Variants in TAS2R1 observed in about 807,000 individuals in gnomAD.
TAS2R1 encodes the protein taste 2 receptor member 1.
For synonymous variants in TAS2R1, 141 were observed against 134.2 expected (o/e 1.05, Z -0.35); for missense variants, 370 against 353.4 (o/e 1.05, Z -0.38).
At chr5:9,791,808 G>C in the TAS2R1 span, among the ~76,000 whole-genome samples, 32 of 152,332 alleles carry the variant, frequency 2.1e-4, no homozygotes, top group African/African-American at 7.7e-4. Context: ...ACATGACTCT[G>C]TTGTACAGCC....
At chr5:9,632,393 G>A, upstream of TAS2R1, among the ~76,000 whole-genome samples, 1 of 152,196 alleles carries the variant, frequency 6.6e-6, no homozygotes, top group Non-Finnish European at 1.5e-5. Flanking sequence ...TCAGGCTGGT[G>A]GTTGATGAAG....
chr5:9,665,601 A>G (rs975790190), intron 1 of TAS2R1, among the ~76,000 whole-genome samples: 2 of 152,226 alleles, frequency 1.3e-5, no homozygotes, highest in Non-Finnish European at 2.9e-5. Flanking sequence ...TGGTGAGAAG[A>G]GAGAGTGTGA....
chr5:9,782,499 C>T, the TAS2R1 span, among the ~76,000 whole-genome samples: 2 of 152,182 alleles, frequency 1.3e-5, no homozygotes, highest in Non-Finnish European at 2.9e-5. Context: ...CATATTAAGC[C>T]CTGACTTGCT....
In TAS2R1 at chr5:9,630,243, G is replaced by T; in HGVS notation, c.-211C>A. On this transcript the variant is annotated 5_prime_UTR_variant, in exon 1 of 1. Transcript: ENST00000382492. ...AGTCAAATAAGGAGGAGATACTCTA[G>T]CATCAATTTGCTTCTTATTGATGGC... The T allele has an allele frequency of 2.6e-6, 1 of 386,466 alleles. No homozygotes were observed. Among genetic ancestry groups the T allele is most frequent in the Non-Finnish European group, 4.8e-6 (1 of 210,278 alleles). 23.9% of individuals were successfully genotyped at this position (386,466 alleles called of 1,614,324 possible).
chr5:9,815,597 A>G, the TAS2R1 span, among the ~76,000 whole-genome samples: 63 of 152,116 alleles, frequency 4.1e-4, no homozygotes, highest in African/African-American at 1.5e-3. Context: ...GCTACATTGC[A>G]TGCTACCAAG....
intron 2 of TAS2R1, among the ~76,000 whole-genome samples, chr5:9,639,113 AC>A (rs1215549105): frequency 3.3e-5 from 5 of 151,934 alleles, no homozygotes; most frequent in African/African-American, 9.7e-5. Context: ...TCCCACTCAC[AC>A]CCCAGACTCT....
the TAS2R1 span, among the ~76,000 whole-genome samples, chr5:9,718,185 C>T: frequency 4.7e-5 from 7 of 149,960 alleles, no homozygotes; most frequent in Admixed American, 2.0e-4. Context: ...TGGCCAGGAT[C>T]GTCTTGATCT....
At chr5:9,760,882 A>C in the TAS2R1 span, 1 of 152,200 alleles carries the variant, frequency 6.6e-6, no homozygotes, top group Non-Finnish European at 1.5e-5. Flanking sequence ...GGTTATACAG[A>C]TTGGAAAGAA....
At chr5:9,734,636 T>C in the TAS2R1 span, among the ~76,000 whole-genome samples, 1 of 152,222 alleles carries the variant, frequency 6.6e-6, no homozygotes, top group Non-Finnish European at 1.5e-5. Context: ...TACTATGCTA[T>C]GCTATCTGTT....
chr5:9,717,747 A>G, the TAS2R1 span, among the ~76,000 whole-genome samples: 5 of 152,218 alleles, frequency 3.3e-5, no homozygotes, highest in African/African-American at 4.8e-5. Flanking sequence ...CAAACCCTAC[A>G]TAAGAATGAA....
In TAS2R1 at chr5:9,690,229, C is replaced by A. The variant is rs1424048653; in HGVS notation, c.-242+21943G>T. Among the ~76,000 whole-genome samples, 5 of 152,108 alleles carry A rather than the reference C, an allele frequency of 3.3e-5. No homozygotes were observed. In the East Asian group the frequency reaches 9.6e-4, roughly 29 times the overall value. ...TTGTAATTTCTGGAATATATATGCC[C>A]CCCAAATATTGACCAAGACTTATCA... On this transcript the variant is annotated intron_variant, in intron 1 of 2. Coordinates refer to the TAS2R1 transcript ENST00000506620.
the TAS2R1 span, among the ~76,000 whole-genome samples, chr5:9,826,443 C>A: frequency 6.6e-6 from 1 of 152,110 alleles, no homozygotes; most frequent in African/African-American, 2.4e-5. Flanking sequence ...TAAAAAGAAA[C>A]ACACTAAAAT....
the TAS2R1 span, among the ~76,000 whole-genome samples, chr5:9,848,620 GA>G: frequency 5.3e-5 from 8 of 152,068 alleles, no homozygotes; most frequent in African/African-American, 1.9e-4. Context: ...AAATAATGTG[GA>G]AGATGATACC....
At chr5:9,657,440 C>A (rs1030750998) in intron 2 of TAS2R1, among the ~76,000 whole-genome samples, 5 of 152,148 alleles carry the variant, frequency 3.3e-5, no homozygotes, top group African/African-American at 1.2e-4. Context: ...GCTTTGCTCA[C>A]CAGCCTAAAC....
chr5:9,855,442 C>T, the TAS2R1 span, among the ~76,000 whole-genome samples: 2 of 152,368 alleles, frequency 1.3e-5, no homozygotes, highest in South Asian at 2.1e-4. Flanking sequence ...AAGAGTGAAG[C>T]TCTCCATCCT....
At chr5:9,829,650 G>A in the TAS2R1 span, among the ~76,000 whole-genome samples, 1 of 152,304 alleles carries the variant, frequency 6.6e-6, no homozygotes, top group Non-Finnish European at 1.5e-5. Flanking sequence ...CTGGAAAGGA[G>A]GAACCTGGCC....
Position 9,628,746 on chromosome 5 carries a change from C to T in TAS2R1, c.*387G>A, listed in dbSNP as rs181760203. The stretch of plus-strand genomic sequence containing the variant: ...GCATTCATGTGTCCTTCTGACATCA[C>T]GAGTTCAAACAAGTGCTTTTCTTTT... On this transcript the variant is annotated 3_prime_UTR_variant, in exon 1 of 1. Coordinates refer to ENST00000382492, the MANE Select transcript of TAS2R1 (RefSeq NM_019599.3). Among the ~76,000 whole-genome samples the T allele has an allele frequency of 6.6e-4, 101 of 152,300 alleles. No individual in the cohort carries two copies. The highest frequency in any genetic ancestry group is 1.0e-3 in the Non-Finnish European group (69 of 68,022).
chr5:9,827,420 T>C, the TAS2R1 span, among the ~76,000 whole-genome samples: 27,062 of 152,068 alleles, frequency 0.18, 2,655 homozygotes, highest in East Asian at 0.29. Context: ...ACTTGCCATG[T>C]TGTATTCAGA....
chr5:9,784,111 T>C, the TAS2R1 span, among the ~76,000 whole-genome samples: 1 of 152,236 alleles, frequency 6.6e-6, no homozygotes, highest in Non-Finnish European at 1.5e-5. Flanking sequence ...GTACTGACCA[T>C]TGCATGCCAT....
Sources: allele counts gnomAD v4.1 joint callset (sites outside exome capture counted in the v4.1 genomes callset), GRCh38; gene constraint gnomAD v4.1.1; transcripts MANE v1.5; gene names NCBI Gene and HGNC (gene_info 2026-07-23, HGNC 2026-07-21).